The following CLEC2D variants were observed in gnomAD, a reference collection of about 807,000 sequenced individuals.
The protein encoded by CLEC2D is C-type lectin domain family 2 member D.
A neutral mutation model predicts 20.0 loss-of-function variants in CLEC2D; 16 were observed. That is an observed-to-expected ratio of 0.80 (90% CI 0.54 to 1.22). The LOEUF (loss-of-function observed/expected upper bound fraction) is 1.22. Ranked by LOEUF, CLEC2D falls within the 50% of genes most tolerant of loss-of-function variation. CLEC2D has a pLI of 0.00. For missense variants in CLEC2D, 207 were observed against 221.5 expected, an observed-to-expected ratio of 0.93 and a Z score of 0.42; for synonymous variants, 77 against 71.1, an observed-to-expected ratio of 1.08 and a Z score of -0.42.
chr12:9,692,276 C>T (rs12320830), intron 3 of CLEC2D, among the ~76,000 whole-genome samples: 13,234 of 152,134 alleles, frequency 0.087, 625 homozygotes, highest in African/African-American at 0.12. Flanking sequence ...GCTGGGATTA[C>T]AGGTGCATGC....
chr12:9,681,070 T>G, intron 2 of CLEC2D, 37 bp downstream of exon 2: 1 of 1,052,760 alleles, frequency 9.5e-7, no homozygotes, highest in East Asian at 2.4e-5. Context: ...CTAGAGAGAA[T>G]TATACTTGTA....
At chr12:9,674,709 T>C (rs1401670734) in intron 1 of CLEC2D, among the ~76,000 whole-genome samples, 2 of 152,266 alleles carry the variant, frequency 1.3e-5, no homozygotes, top group Admixed American at 6.5e-5. Context: ...TGTAATGATA[T>C]CTCATTATTT....
At chr12:9,673,861 G>C (rs190229268) in intron 1 of CLEC2D, 1 of 152,452 alleles carries the variant, frequency 6.6e-6, no homozygotes, top group Admixed American at 6.5e-5. Context: ...GGGAAATCTG[G>C]CCCAGTCCAA....
intron 2 of CLEC2D, among the ~76,000 whole-genome samples, chr12:9,686,564 C>G (rs771317166): frequency 1.3e-5 from 2 of 152,116 alleles, no homozygotes; most frequent in African/African-American, 2.4e-5. Context: ...TCACAAGAGC[C>G]AAATCCAAGG....
chr12:9,670,742 G>T (rs916850341), intron 1 of CLEC2D, among the ~76,000 whole-genome samples: 1 of 152,178 alleles, frequency 6.6e-6, no homozygotes, highest in South Asian at 2.1e-4. Flanking sequence ...CAATCACCCT[G>T]GTGAGATGAA....
chr12:9,694,253 G>A (rs1253959908), intron 4 of CLEC2D, among the ~76,000 whole-genome samples: 1 of 152,154 alleles, frequency 6.6e-6, no homozygotes, highest in African/African-American at 2.4e-5. Flanking sequence ...ATAGATGATA[G>A]TGATTCCAAT....
chr12:9,670,707 A>G (rs1220082785), intron 1 of CLEC2D, among the ~76,000 whole-genome samples: 1 of 152,208 alleles, frequency 6.6e-6, no homozygotes, highest in East Asian at 1.9e-4. Context: ...ATTTTGGAGT[A>G]TATTGATACT....
intron 1 of CLEC2D, among the ~76,000 whole-genome samples, chr12:9,676,357 GT>G (rs1865520013): frequency 6.6e-6 from 1 of 152,080 alleles, no homozygotes; most frequent in South Asian, 2.1e-4. Flanking sequence ...TCACAAATCT[GT>G]GTTGAATTTT....
rs753857867 is a variant in CLEC2D at position 9,692,939 on chromosome 12, C to A, written c.461+8C>A. On this transcript the variant is annotated splice_region_variant and intron_variant, in intron 4 of 4. Transcript: ENST00000290855. Reference sequence around the variant, plus strand: ...TACTGAATGGACAAGACAGTAAGTTCTAAAAATCTGGCAGTAATATTTGTA... The same window carrying A: ...TACTGAATGGACAAGACAGTAAGTTATAAAAATCTGGCAGTAATATTTGTA... 1 of 1,607,716 alleles carries A rather than the reference C, an allele frequency of 6.2e-7. No homozygotes were observed. The highest frequency in any genetic ancestry group is 8.5e-7 in the Non-Finnish European group (1 of 1,174,518).
chr12:9,698,716 G>C lies in CLEC2D; in HGVS notation c.*3842G>C, dbSNP rs972388827. 1 of 152,130 alleles carries C rather than the reference G, an allele frequency of 6.6e-6. No individual in the cohort carries two copies. Among genetic ancestry groups the C allele is most frequent in the African/African-American group, 2.4e-5 (1 of 41,432 alleles). 9.4% of individuals were successfully genotyped at this position (152,130 alleles called of 1,614,324 possible). ...AAGGAAATAATTAATGGAGTAAAGA[G>C]ACAACTTACAGATTGGGAGAATATA... is the stretch of plus-strand genomic sequence containing the variant. On this transcript the variant is annotated 3_prime_UTR_variant, in exon 5 of 5. Transcript: ENST00000290855.
chr12:9,692,196 C>T (rs1221853612), intron 3 of CLEC2D, among the ~76,000 whole-genome samples: 6 of 152,066 alleles, frequency 3.9e-5, no homozygotes, highest in African/African-American at 1.2e-4. Context: ...AGTGCAGTGG[C>T]GTGATCTTGG....
chr12:9,695,641 G>A lies in CLEC2D; in HGVS notation c.*767G>A. Reference sequence around the variant, plus strand: ...TTTGAAAATGTCTGTACAGCCAACGGTTTCTCTTGGGGGCTTTGAAATAAC... The same window carrying A: ...TTTGAAAATGTCTGTACAGCCAACGATTTCTCTTGGGGGCTTTGAAATAAC... On this transcript the variant is annotated 3_prime_UTR_variant, in exon 5 of 5. Transcript: ENST00000290855. 1 of 1,573,016 alleles carries A rather than the reference G, an allele frequency of 6.4e-7. No individual in the cohort carries two copies. Among genetic ancestry groups the A allele is most frequent in the Non-Finnish European group, 8.7e-7 (1 of 1,155,670 alleles).
At chr12:9,691,087 A>G (rs1865852052) in intron 3 of CLEC2D, among the ~76,000 whole-genome samples, 1 of 152,142 alleles carries the variant, frequency 6.6e-6, no homozygotes, top group South Asian at 2.1e-4. Context: ...AAGATATTCC[A>G]TACAAACAGT....
At chr12:9,693,259 A>G (rs1865906410) in intron 4 of CLEC2D, 2 of 621,292 alleles carry the variant, frequency 3.2e-6, no homozygotes, top group Non-Finnish European at 5.8e-6. Context: ...TCCTGATTTC[A>G]CAGGGTTGAT....
chr12:9,678,678 C>G (rs763208462), intron 1 of CLEC2D, among the ~76,000 whole-genome samples: 1 of 152,066 alleles, frequency 6.6e-6, no homozygotes, highest in Non-Finnish European at 1.5e-5. Context: ...CCTGGTATTA[C>G]GGGCATGTGC....
At chr12:9,671,328 A>ATTC (rs1174377581) in intron 1 of CLEC2D, among the ~76,000 whole-genome samples, 4 of 152,070 alleles carry the variant, frequency 2.6e-5, no homozygotes, top group Non-Finnish European at 5.9e-5. Context: ...GGTTCACGCC[A>ATTC]TTCTGCCTCA....
intron 1 of CLEC2D, among the ~76,000 whole-genome samples, chr12:9,679,975 A>G (rs1865601081): frequency 2.0e-5 from 3 of 152,224 alleles, no homozygotes; most frequent in Non-Finnish European, 4.4e-5. Context: ...TTATTATAAG[A>G]TAAACACCTT....
intron 2 of CLEC2D, among the ~76,000 whole-genome samples, chr12:9,685,220 C>T (rs1195810177): frequency 6.6e-6 from 1 of 152,210 alleles, no homozygotes; most frequent in Non-Finnish European, 1.5e-5. Flanking sequence ...AAGCTTCATC[C>T]CAGAGGGGCA....
chr12:9,689,399 C>T (rs966614632), intron 3 of CLEC2D, among the ~76,000 whole-genome samples: 1 of 152,092 alleles, frequency 6.6e-6, no homozygotes, highest in Non-Finnish European at 1.5e-5. Flanking sequence ...ACCAGAGTTA[C>T]CACAACATAG....
Sources: gnomAD v4.1 joint callset for allele counts (sites outside exome capture counted in the v4.1 genomes callset) on GRCh38, gnomAD v4.1.1 for gene constraint, MANE v1.5 for transcripts, NCBI Gene and HGNC (gene_info 2026-07-23, HGNC 2026-07-21) for gene names.